Variants in SORL1-AS1 observed in about 807,000 individuals in gnomAD.
The protein encoded by SORL1-AS1 is lncRNA 51 A.
chr11:121,446,495 A>C (rs575611695), downstream of SORL1-AS1, among the ~76,000 whole-genome samples: 19 of 152,168 alleles, frequency 1.2e-4, no homozygotes, highest in African/African-American at 4.6e-4. Context: ...TCATGCCTGT[A>C]ATCCCAGCAC....
chr11:121,442,684 TATTTA>T (rs1860672764), downstream of SORL1-AS1, among the ~76,000 whole-genome samples: 1 of 147,232 alleles, frequency 6.8e-6, no homozygotes, highest in Non-Finnish European at 1.5e-5. Context: ...TTTATTTATT[TATTTA>T]TTTTTTTGAG....
At chr11:121,439,456 T>C in the SORL1-AS1 span, among the ~76,000 whole-genome samples, 26 of 152,008 alleles carry the variant, frequency 1.7e-4, no homozygotes, top group Admixed American at 1.5e-3. Context: ...AAGAGTCCTT[T>C]GTACATTCTG....
downstream of SORL1-AS1, among the ~76,000 whole-genome samples, chr11:121,444,867 C>T (rs544966351): frequency 1.2e-3 from 180 of 152,264 alleles, no homozygotes; most frequent in African/African-American, 4.1e-3. Context: ...TGTTAGATTT[C>T]AAAGAAAATT....
Position 121,452,847 on chromosome 11 carries a change from T to A in SORL1-AS1, n.167A>T. On this transcript the variant is annotated non_coding_transcript_exon_variant, in exon 1 of 2. Coordinates refer to ENST00000501964, the Ensembl canonical transcript of SORL1-AS1. The surrounding 1 kb of genome is among the most constrained non-coding windows in gnomAD (Gnocchi z 5.3). ...ATTCCAGGTAACTCGCCGGGTGCAG[T>A]GCGTATTACCCCAGGGTGTGTGCAG... 4.3e-6 allele frequency: 2 copies of A among 468,594 alleles called. No homozygotes were observed. The allele number at this position is 468,594 out of a possible 1,614,324, so 29.0% of individuals were successfully genotyped here. A position where few individuals can be genotyped will look rare whatever the true frequency, so the allele number is the denominator to read the frequency against.
intron 1 of SORL1-AS1, among the ~76,000 whole-genome samples, chr11:121,451,372 CTG>C (rs1246085404): frequency 6.6e-6 from 1 of 152,210 alleles, no homozygotes; most frequent in Non-Finnish European, 1.5e-5. Context: ...CCTCCCTCCT[CTG>C]TGGGTGTTTG....
chr11:121,444,756 C>T (rs572867741), downstream of SORL1-AS1, among the ~76,000 whole-genome samples: 1 of 152,302 alleles, frequency 6.6e-6, no homozygotes, highest in South Asian at 2.1e-4. Context: ...CCATGGTTGG[C>T]AGACTGTAAG....
downstream of SORL1-AS1, among the ~76,000 whole-genome samples, chr11:121,445,674 A>G (rs182300214): frequency 6.6e-6 from 1 of 151,514 alleles, no homozygotes; most frequent in East Asian, 2.0e-4. Context: ...TCCCGTTCCA[A>G]CTTCCACACA....
the SORL1-AS1 span, among the ~76,000 whole-genome samples, chr11:121,438,617 G>A: frequency 2.6e-5 from 4 of 151,840 alleles, no homozygotes; most frequent in South Asian, 6.3e-4. Context: ...GTTGTTGTAT[G>A]CATTAATAGT....
chr11:121,452,481 G>T lies in SORL1-AS1; in HGVS notation n.339+194C>A. ...TGCCCCAGGACCGGGGCTTCCTCGTGGTGCAGGGCGACCCGCGCGAGCTGC... is the reference window on the plus strand; with the variant it reads ...TGCCCCAGGACCGGGGCTTCCTCGTTGTGCAGGGCGACCCGCGCGAGCTGC... On this transcript the variant is annotated intron_variant and non_coding_transcript_variant, in intron 1 of 1. Coordinates refer to ENST00000501964, the Ensembl canonical transcript of SORL1-AS1. This position sits in a 1 kb window ranked among gnomAD's most constrained non-coding sequence, Gnocchi z 5.3. 1 of 1,490,076 alleles carries T rather than the reference G, an allele frequency of 6.7e-7. No homozygotes were observed. Among genetic ancestry groups the T allele is most frequent in the Non-Finnish European group, 8.9e-7 (1 of 1,121,432 alleles). 92.3% of individuals were successfully genotyped at this position (1,490,076 alleles called of 1,614,324 possible).
In SORL1-AS1 at chr11:121,452,833, C is replaced by A; in HGVS notation, n.181G>T. 1 of 481,766 alleles carries A rather than the reference C, an allele frequency of 2.1e-6. No homozygotes were observed. The highest frequency in any genetic ancestry group is 3.6e-6 in the Non-Finnish European group (1 of 278,834). The allele number at this position is 481,766 out of a possible 1,614,324, so 29.8% of individuals were successfully genotyped here. A position where few individuals can be genotyped will look rare whatever the true frequency, so the allele number is the denominator to read the frequency against. On this transcript the variant is annotated non_coding_transcript_exon_variant, in exon 1 of 2. Coordinates refer to ENST00000501964, the Ensembl canonical transcript of SORL1-AS1. The surrounding 1 kb of genome is among the most constrained non-coding windows in gnomAD (Gnocchi z 5.3). ...GATTTAGTAAACGTATTCCAGGTAA[C>A]TCGCCGGGTGCAGTGCGTATTACCC... is the stretch of plus-strand genomic sequence containing the variant.
At chr11:121,442,892 A>T (rs931585404), downstream of SORL1-AS1, among the ~76,000 whole-genome samples, 11 of 149,844 alleles carry the variant, frequency 7.3e-5, no homozygotes, top group African/African-American at 2.7e-4. Flanking sequence ...GTTAACCAGG[A>T]TGGTCTTGAT....
rs1213429942 is a variant in SORL1-AS1, at chr11:121,452,742, T to G, written n.272A>C. The G allele has an allele frequency of 1.2e-6, 1 of 848,812 alleles. No homozygotes were observed. Among genetic ancestry groups the G allele is most frequent in the East Asian group, 3.4e-5 (1 of 29,850 alleles). 52.6% of individuals were successfully genotyped at this position (848,812 alleles called of 1,614,324 possible). On this transcript the variant is annotated non_coding_transcript_exon_variant, in exon 1 of 2. Coordinates refer to ENST00000501964, the Ensembl canonical transcript of SORL1-AS1. This position sits in a 1 kb window ranked among gnomAD's most constrained non-coding sequence, Gnocchi z 5.3. The stretch of plus-strand genomic sequence containing the variant: ...CACTGGGGACTTCCCGGCTTGCATT[T>G]GTTTTTTTCCTTCACGAGTACAACC...
chr11:121,440,846 C>A, the SORL1-AS1 span, among the ~76,000 whole-genome samples: 2 of 152,142 alleles, frequency 1.3e-5, no homozygotes, highest in Non-Finnish European at 2.9e-5. Flanking sequence ...GACAGTCTTC[C>A]CTGGGTCTTT....
chr11:121,445,247 C>G (rs992997810), downstream of SORL1-AS1, among the ~76,000 whole-genome samples: 2 of 152,144 alleles, frequency 1.3e-5, no homozygotes, highest in Admixed American at 6.5e-5. Context: ...CGTGATCTGT[C>G]GCACCCTCTG....
At chr11:121,446,254 TC>T (rs1397159905), downstream of SORL1-AS1, among the ~76,000 whole-genome samples, 1 of 152,158 alleles carries the variant, frequency 6.6e-6, no homozygotes, top group African/African-American at 2.4e-5. Context: ...AAATCGTTGT[TC>T]TAATGGAAGG....
Position 121,452,488 on chromosome 11 carries a change from G to A in SORL1-AS1, n.339+187C>T. 2 of 1,489,144 alleles carry A rather than the reference G, an allele frequency of 1.3e-6. No individual in the cohort carries two copies. Among genetic ancestry groups the A allele is most frequent in the Non-Finnish European group, 1.8e-6 (2 of 1,121,760 alleles). 92.2% of individuals were successfully genotyped at this position (1,489,144 alleles called of 1,614,324 possible). A position where few individuals can be genotyped will look rare whatever the true frequency, so the allele number is the denominator to read the frequency against. On this transcript the variant is annotated intron_variant and non_coding_transcript_variant, in intron 1 of 1. Coordinates refer to ENST00000501964, the Ensembl canonical transcript of SORL1-AS1. The surrounding 1 kb of genome is among the most constrained non-coding windows in gnomAD (Gnocchi z 5.3). ...GGACCGGGGCTTCCTCGTGGTGCAG[G>A]GCGACCCGCGCGAGCTGCGGCTGTG... is the stretch of plus-strand genomic sequence containing the variant.
the SORL1-AS1 span, among the ~76,000 whole-genome samples, chr11:121,439,327 C>A: frequency 6.6e-6 from 1 of 152,060 alleles, no homozygotes. Flanking sequence ...TGACGACCAA[C>A]AACGCTGAGC....
Position 121,450,141 on chromosome 11 carries a change from T to C in SORL1-AS1, n.340-242A>G, listed in dbSNP as rs1860770904. ...CAAATCCACACTTAGGAGACTCCTGTCTCTGTTTTCTGCTGGGACTCTGAC... is the reference window on the plus strand; with the variant it reads ...CAAATCCACACTTAGGAGACTCCTGCCTCTGTTTTCTGCTGGGACTCTGAC... On this transcript the variant is annotated intron_variant and non_coding_transcript_variant, in intron 1 of 1. Transcript: ENST00000501964. The surrounding 1 kb of genome is among the most constrained non-coding windows in gnomAD (Gnocchi z 5.2). 6.6e-6 allele frequency among the ~76,000 whole-genome samples: 1 copy of C among 152,198 alleles called. No individual in the cohort carries two copies.
At position 121,452,352 on chromosome 11, in the gene SORL1-AS1, G is replaced by T. The variant is rs767702195; in HGVS notation, n.339+323C>A. 3.9e-6 allele frequency: 6 copies of T among 1,554,568 alleles called. No individual in the cohort carries two copies. In the South Asian group the frequency reaches 4.8e-5, roughly 12 times the overall value. On this transcript the variant is annotated intron_variant and non_coding_transcript_variant, in intron 1 of 1. Transcript: ENST00000501964. The surrounding 1 kb of genome is among the most constrained non-coding windows in gnomAD (Gnocchi z 5.3). Reference sequence around the variant, plus strand: ...CGAACATGGCGACACGGAGCAGCAGGAGGGAGTCGCGACTCCCGTTCCTAT... The same window carrying T: ...CGAACATGGCGACACGGAGCAGCAGTAGGGAGTCGCGACTCCCGTTCCTAT...
Sources: allele counts gnomAD v4.1 joint callset (sites outside exome capture counted in the v4.1 genomes callset), GRCh38; gene constraint gnomAD v4.1.1; non-coding constraint Gnocchi (gnomAD v3.1); transcripts MANE v1.5; gene names NCBI Gene and HGNC (gene_info 2026-07-23, HGNC 2026-07-21).